MAGI2: variants seen among roughly 807,000 people sequenced by gnomAD.
MAGI2 encodes membrane-associated guanylate kinase, WW and PDZ domain-containing protein 2.
In MAGI2, 35 loss-of-function variants were observed where a neutral mutation model predicts 133.3. That is an observed-to-expected ratio of 0.26 (90% CI 0.20 to 0.35). The LOEUF (loss-of-function observed/expected upper bound fraction) is 0.35. MAGI2 is among the 10% of genes least tolerant of loss of function. MAGI2 has a pLI of 1.00. For synonymous variants in MAGI2, 729 were observed against 710.6 expected (o/e 1.03, Z -0.41); for missense variants, 1,636 against 1,863.4 (o/e 0.88, Z 2.25).
At chr7:78,145,878 C>T (rs942298533) in intron 16 of MAGI2, among the ~76,000 whole-genome samples, 2 of 152,112 alleles carry the variant, frequency 1.3e-5, no homozygotes, top group African/African-American at 2.4e-5. Context: ...GGGTACCACT[C>T]TCATGACCTT....
intron 1 of MAGI2, among the ~76,000 whole-genome samples, chr7:79,217,845 A>C (rs1463057752): frequency 6.6e-6 from 1 of 152,064 alleles, no homozygotes; most frequent in Admixed American, 6.6e-5. Flanking sequence ...CATAATAAGC[A>C]GTCAATAAAT....
intron 1 of MAGI2, among the ~76,000 whole-genome samples, chr7:79,085,494 A>G (rs1267294264): frequency 2.6e-5 from 4 of 151,868 alleles, no homozygotes; most frequent in African/African-American, 9.7e-5. Context: ...TTCATCAGGA[A>G]CAGTTTCTGT....
At chr7:78,982,198 TC>T (rs1804854203) in intron 2 of MAGI2, among the ~76,000 whole-genome samples, 1 of 151,926 alleles carries the variant, frequency 6.6e-6, no homozygotes, top group Admixed American at 6.6e-5. Context: ...TTTAAAACAT[TC>T]TTTTGAGTTC....
chr7:78,244,962 T>G, intron 10 of MAGI2, among the ~76,000 whole-genome samples: 1 of 152,128 alleles, frequency 6.6e-6, no homozygotes, highest in Non-Finnish European at 1.5e-5. Context: ...TATTTAAGAG[T>G]GTAAAATGAG....
chr7:78,813,572 T>G (rs1009492924), intron 2 of MAGI2, among the ~76,000 whole-genome samples: 11 of 151,582 alleles, frequency 7.3e-5, no homozygotes, highest in African/African-American at 2.7e-4. Context: ...GATCACGAGG[T>G]CAGGAGATCG....
intron 1 of MAGI2, among the ~76,000 whole-genome samples, chr7:79,289,017 A>G (rs145230288): frequency 6.6e-6 from 1 of 152,136 alleles, no homozygotes; most frequent in Non-Finnish European, 1.5e-5. Context: ...ACTGGAATCA[A>G]ATTTACCGAC....
chr7:78,094,115 C>A (rs576710099), intron 20 of MAGI2, among the ~76,000 whole-genome samples: 14 of 152,282 alleles, frequency 9.2e-5, no homozygotes, highest in African/African-American at 3.1e-4. Context: ...TTAATCTTTG[C>A]ATGATTATTT....
chr7:78,778,690 G>T (rs1826167005), intron 2 of MAGI2, among the ~76,000 whole-genome samples: 1 of 152,250 alleles, frequency 6.6e-6, no homozygotes, highest in Non-Finnish European at 1.5e-5. Flanking sequence ...ACACTGGACA[G>T]ACACCTTAGT....
At chr7:78,316,062 G>T (rs1330674326) in intron 9 of MAGI2, among the ~76,000 whole-genome samples, 1 of 152,164 alleles carries the variant, frequency 6.6e-6, no homozygotes, top group Non-Finnish European at 1.5e-5. Context: ...ACTGGGAAGT[G>T]TCTTAGCTGT....
At chr7:79,271,659 G>A (rs1488243604) in intron 1 of MAGI2, among the ~76,000 whole-genome samples, 1 of 124,014 alleles carries the variant, frequency 8.1e-6, no homozygotes, top group African/African-American at 2.8e-5. Context: ...TTGCTATGGT[G>A]TGAGTGATTT....
intron 2 of MAGI2, among the ~76,000 whole-genome samples, chr7:78,741,704 T>A (rs1455383794): frequency 6.6e-6 from 1 of 152,136 alleles, no homozygotes. Context: ...AACTTCTGTC[T>A]GCCTTATTTA....
chr7:78,968,540 T>C (rs2115926112), intron 2 of MAGI2, among the ~76,000 whole-genome samples: 1 of 152,146 alleles, frequency 6.6e-6, no homozygotes, highest in South Asian at 2.1e-4. Context: ...TAATCTCCTT[T>C]TCAGATAGTT....
intron 1 of MAGI2, among the ~76,000 whole-genome samples, chr7:79,141,750 T>C (rs1233360691): frequency 7.6e-6 from 1 of 132,110 alleles, no homozygotes; most frequent in East Asian, 2.0e-4. Flanking sequence ...TTTGTTCGTG[T>C]TTTTTTTTTC....
chr7:79,122,670 G>T (rs1820010372), intron 1 of MAGI2, among the ~76,000 whole-genome samples: 2 of 150,030 alleles, frequency 1.3e-5, no homozygotes, highest in African/African-American at 2.5e-5. Context: ...TTGAGATGGA[G>T]TTTTGCTCTT....
intron 1 of MAGI2, among the ~76,000 whole-genome samples, chr7:79,143,826 C>T (rs1218210072): frequency 6.6e-6 from 1 of 151,812 alleles, no homozygotes; most frequent in African/African-American, 2.4e-5. Context: ...TACTATCATG[C>T]AAAGCATATA....
chr7:78,559,258 T>G (rs1328961678), intron 3 of MAGI2, among the ~76,000 whole-genome samples: 1 of 147,620 alleles, frequency 6.8e-6, no homozygotes. Flanking sequence ...TTTTTTCCAG[T>G]TGTAAAGATT....
chr7:78,471,813 T>A (rs1692542123), intron 6 of MAGI2, among the ~76,000 whole-genome samples: 1 of 151,892 alleles, frequency 6.6e-6, no homozygotes, highest in Non-Finnish European at 1.5e-5. Flanking sequence ...TAATCCCAGC[T>A]ACTCAGGAGG....
intron 12 of MAGI2, among the ~76,000 whole-genome samples, chr7:78,188,635 G>A (rs1299398366): frequency 6.6e-6 from 1 of 152,058 alleles, no homozygotes; most frequent in Non-Finnish European, 1.5e-5. Context: ...TACGTGGGGG[G>A]TACTTTAATG....
intron 2 of MAGI2, among the ~76,000 whole-genome samples, chr7:78,771,846 T>C (rs1825614954): frequency 6.6e-6 from 1 of 152,248 alleles, no homozygotes; most frequent in African/African-American, 2.4e-5. Context: ...AGTTTGCTGT[T>C]GTGGAACTAG....
Sources: allele counts gnomAD v4.1 joint callset (sites outside exome capture counted in the v4.1 genomes callset), GRCh38; gene constraint gnomAD v4.1.1; transcripts MANE v1.5; gene names NCBI Gene and HGNC (gene_info 2026-07-23, HGNC 2026-07-21).